Variants in SHISA6 observed in about 807,000 individuals in gnomAD.
SHISA6 encodes the protein shisa family member 6.
In SHISA6, 22 loss-of-function variants were observed where a neutral mutation model predicts 47.9. The ratio of observed to expected loss-of-function variants is 0.46; its 90% CI spans 0.33 to 0.66. The LOEUF is 0.66. Ranked by LOEUF, SHISA6 falls within the 30% of genes least tolerant of loss-of-function variation. SHISA6 has a pLI of 0.02. For synonymous variants in SHISA6, 388 were observed against 337.8 expected (o/e 1.15, Z -1.63); for missense variants, 680 against 764.6 (o/e 0.89, Z 1.30).
intron 2 of SHISA6, among the ~76,000 whole-genome samples, chr17:11,338,200 A>T (rs1388315059): frequency 6.6e-6 from 1 of 152,050 alleles, no homozygotes; most frequent in African/African-American, 2.4e-5. Context: ...ACTAGATAGG[A>T]GTTTGGCATG....
At chr17:11,444,091 G>C (rs989139142) in intron 3 of SHISA6, among the ~76,000 whole-genome samples, 1 of 152,204 alleles carries the variant, frequency 6.6e-6, no homozygotes, top group African/African-American at 2.4e-5. Context: ...GGCCAAGGCA[G>C]GTGGATCACT....
At chr17:11,520,596 A>T (rs904960744) in intron 3 of SHISA6, among the ~76,000 whole-genome samples, 5 of 152,128 alleles carry the variant, frequency 3.3e-5, no homozygotes, top group Non-Finnish European at 7.4e-5. Flanking sequence ...AACTATGCTT[A>T]TGCTCAGCTT....
chr17:11,291,841 G>A (rs192530786), intron 2 of SHISA6, among the ~76,000 whole-genome samples: 44 of 152,162 alleles, frequency 2.9e-4, no homozygotes, highest in Admixed American at 2.6e-3. Context: ...CTCTTTTAGG[G>A]AGACATCAGT....
chr17:11,529,380 G>A (rs1597571028), intron 3 of SHISA6, among the ~76,000 whole-genome samples: 1 of 152,052 alleles, frequency 6.6e-6, no homozygotes, highest in South Asian at 2.1e-4. Context: ...CTCAATATTT[G>A]GTATAGGATT....
intron 3 of SHISA6, among the ~76,000 whole-genome samples, chr17:11,534,232 C>A (rs1329369559): frequency 1.4e-5 from 2 of 138,754 alleles, no homozygotes; most frequent in Non-Finnish European, 3.0e-5. Flanking sequence ...TCTTGAACTT[C>A]TGACTTCAAG....
intron 1 of SHISA6, among the ~76,000 whole-genome samples, chr17:11,252,300 C>T (rs1567699760): frequency 6.6e-6 from 1 of 152,166 alleles, no homozygotes; most frequent in Non-Finnish European, 1.5e-5. Flanking sequence ...CATTTGGTCT[C>T]GTGTACTGTT....
At chr17:11,416,656 G>T (rs939751140) in intron 3 of SHISA6, among the ~76,000 whole-genome samples, 81 of 152,146 alleles carry the variant, frequency 5.3e-4, no homozygotes, top group Admixed American at 5.2e-3. Context: ...TTATGCGTTG[G>T]CTTTTAAACA....
At chr17:11,288,736 C>T (rs1190648192) in intron 2 of SHISA6, 2 of 152,106 alleles carry the variant, frequency 1.3e-5, no homozygotes, top group Non-Finnish European at 2.9e-5. Context: ...CATTTTCTTC[C>T]ACTGATTCTC....
intron 2 of SHISA6, 63 bp downstream of exon 2, chr17:11,263,589 T>C (rs1908321750): frequency 1.3e-6 from 2 of 1,536,276 alleles, no homozygotes; most frequent in Non-Finnish European, 1.8e-6. Flanking sequence ...AGGATGTTTC[T>C]GCTCTGGTGG....
intron 2 of SHISA6, among the ~76,000 whole-genome samples, chr17:11,370,413 A>G (rs1170546531): frequency 6.6e-6 from 1 of 152,136 alleles, no homozygotes; most frequent in African/African-American, 2.4e-5. Flanking sequence ...TGGATCCCAT[A>G]TTTACGTTTT....
chr17:11,393,931 T>C (rs943364695), intron 3 of SHISA6, among the ~76,000 whole-genome samples: 1 of 152,252 alleles, frequency 6.6e-6, no homozygotes, highest in African/African-American at 2.4e-5. Context: ...TGGTACTTAT[T>C]GAACCAATAT....
intron 3 of SHISA6, among the ~76,000 whole-genome samples, chr17:11,496,749 A>G (rs1048811783): frequency 1.6e-5 from 1 of 62,768 alleles, no homozygotes; most frequent in Non-Finnish European, 3.6e-5. Flanking sequence ...AAAAAAAAAG[A>G]AAAAAAAAAA....
intron 1 of SHISA6, among the ~76,000 whole-genome samples, chr17:11,246,183 T>C (rs1260467716): frequency 6.6e-6 from 1 of 150,594 alleles, no homozygotes; most frequent in Non-Finnish European, 1.5e-5. Flanking sequence ...TATTTCTTTT[T>C]TCTTTGAGTT....
chr17:11,533,414 T>C (rs2071754435), intron 3 of SHISA6, among the ~76,000 whole-genome samples: 1 of 152,116 alleles, frequency 6.6e-6, no homozygotes, highest in Non-Finnish European at 1.5e-5. Context: ...GTCTCTCATC[T>C]GCACTCCTAC....
At chr17:11,420,506 G>C (rs1430768612) in intron 3 of SHISA6, among the ~76,000 whole-genome samples, 1 of 152,186 alleles carries the variant, frequency 6.6e-6, no homozygotes, top group African/African-American at 2.4e-5. Flanking sequence ...GAGAAACTAA[G>C]TTAAGCAGCA....
chr17:11,286,415 T>C (rs1909301984), intron 2 of SHISA6, among the ~76,000 whole-genome samples: 1 of 152,148 alleles, frequency 6.6e-6, no homozygotes, highest in African/African-American at 2.4e-5. Flanking sequence ...CTTACTGAAA[T>C]GCTACTTCCT....
chr17:11,413,304 C>T (rs187670579), intron 3 of SHISA6, among the ~76,000 whole-genome samples: 111 of 152,230 alleles, frequency 7.3e-4, no homozygotes, highest in East Asian at 4.1e-3. Flanking sequence ...CAGGCATAAA[C>T]AAACAGAGTT....
chr17:11,350,902 T>C (rs1441357065), intron 2 of SHISA6, among the ~76,000 whole-genome samples: 1 of 152,096 alleles, frequency 6.6e-6, no homozygotes, highest in Non-Finnish European at 1.5e-5. Context: ...CAAATGCCCA[T>C]CAGTTATAGA....
rs978739554 is a variant in SHISA6 at position 11,376,819 on chromosome 17, G to A, written c.800-2595G>A. ...CTAAGAGCATTATTAGCATCATCTGGGAACTTGTTAGGAATGGAAATTGTC... is the reference window on the plus strand; with the variant it reads ...CTAAGAGCATTATTAGCATCATCTGAGAACTTGTTAGGAATGGAAATTGTC... On this transcript the variant is annotated intron_variant, in intron 2 of 5. Coordinates refer to ENST00000441885, the MANE Select transcript of SHISA6 (RefSeq NM_207386.4). Among the ~76,000 whole-genome samples, 4 of 152,094 alleles carry A rather than the reference G, an allele frequency of 2.6e-5. 1 individual carries two copies. Among genetic ancestry groups the A allele is most frequent in the Non-Finnish European group, 5.9e-5 (4 of 68,022 alleles).
Sources: gnomAD v4.1 joint callset for allele counts (sites outside exome capture counted in the v4.1 genomes callset) on GRCh38, gnomAD v4.1.1 for gene constraint, MANE v1.5 for transcripts, NCBI Gene and HGNC (gene_info 2026-07-23, HGNC 2026-07-21) for gene names.